Variants in AK8 observed in about 807,000 individuals in gnomAD.
AK8 encodes the protein adenylate kinase 8.
A neutral mutation model predicts 54.6 loss-of-function variants in AK8; 44 were observed. That is an observed-to-expected ratio of 0.81 (90% CI 0.63 to 1.04). AK8 has a LOEUF of 1.04. AK8 is among the 50% of genes least tolerant of loss of function. AK8 has a pLI of 0.00. For missense variants in AK8, 555 were observed against 613.6 expected (o/e 0.90, Z 1.01); for synonymous variants, 239 against 245.6 (o/e 0.97, Z 0.25).
chr9:132,867,008 C>T (rs1843628170), intron 2 of AK8, 55 bp from the exon 3 acceptor site: 3 of 1,530,200 alleles, frequency 2.0e-6, no homozygotes, highest in Non-Finnish European at 2.7e-6. Context: ...CAGCCTCCCA[C>T]ACCTGCGGTA....
chr9:132,852,425 C>G (rs112996112), intron 5 of AK8, among the ~76,000 whole-genome samples: 1 of 151,988 alleles, frequency 6.6e-6, no homozygotes, highest in Non-Finnish European at 1.5e-5. Flanking sequence ...CTGGCTAACA[C>G]AGTGAAACCT....
At chr9:132,742,359 GT>G (rs996156528) in intron 11 of AK8, among the ~76,000 whole-genome samples, 2 of 152,012 alleles carry the variant, frequency 1.3e-5, no homozygotes, top group African/African-American at 4.8e-5. Flanking sequence ...AACATTTTTT[GT>G]AGAGACAGGG....
At chr9:132,800,239 G>A (rs905911668) in intron 10 of AK8, among the ~76,000 whole-genome samples, 10 of 152,194 alleles carry the variant, frequency 6.6e-5, no homozygotes, top group Non-Finnish European at 1.3e-4. Context: ...GAAATCCTGC[G>A]TGCCCTGAAG....
At chr9:132,764,216 G>A (rs1251314330) in intron 11 of AK8, among the ~76,000 whole-genome samples, 4 of 152,242 alleles carry the variant, frequency 2.6e-5, no homozygotes, top group Admixed American at 6.5e-5. Context: ...AGGCTGTGGT[G>A]GGACAATCAC....
At chr9:132,783,289 A>G (rs1198246671) in intron 11 of AK8, among the ~76,000 whole-genome samples, 1 of 152,206 alleles carries the variant, frequency 6.6e-6, no homozygotes, top group Non-Finnish European at 1.5e-5. Context: ...AGAAGGTGGA[A>G]GAGGCAAGGA....
rs1840562184 is a variant in AK8, at chr9:132,803,477, C to T, written c.980-10702G>A. ...AGATGATGACGATGGCAACTCCATT[C>T]TTGATAATAATCATGGTGAGTAATC... On this transcript the variant is annotated intron_variant, in intron 10 of 12. Coordinates refer to ENST00000298545, the MANE Select transcript of AK8 (RefSeq NM_152572.3). This position sits in a 1 kb window ranked among gnomAD's most constrained non-coding sequence, Gnocchi z 4.4. 6.6e-6 allele frequency among the ~76,000 whole-genome samples: 1 copy of T among 152,170 alleles called. No individual in the cohort carries two copies. Among genetic ancestry groups the T allele is most frequent in the African/African-American group, 2.4e-5 (1 of 41,434 alleles).
intron 11 of AK8, among the ~76,000 whole-genome samples, chr9:132,746,656 C>T (rs1413674079): frequency 6.6e-6 from 1 of 152,210 alleles, no homozygotes; most frequent in Non-Finnish European, 1.5e-5. Context: ...GGTTGGCTTC[C>T]ACCCCTTAAT....
intron 7 of AK8, chr9:132,827,519 C>T: frequency 4.6e-6 from 1 of 215,888 alleles, no homozygotes; most frequent in Non-Finnish European, 9.3e-6. Context: ...AGATCAAGGG[C>T]AGTCCCGTCT....
chr9:132,803,397 T>C lies in AK8; in HGVS notation c.980-10622A>G, dbSNP rs557399178. Among the ~76,000 whole-genome samples the C allele has an allele frequency of 3.9e-4, 31 of 78,550 alleles. No individual in the cohort carries two copies. In the Middle Eastern group the frequency reaches 0.017, roughly 42 times the overall value. The allele number at this position is 78,550 out of a possible 152,430, so 51.5% of individuals were successfully genotyped here. On this transcript the variant is annotated intron_variant, in intron 10 of 12. Transcript: ENST00000298545. The surrounding 1 kb of genome is among the most constrained non-coding windows in gnomAD (Gnocchi z 4.4). ...AAATAAATATAAAAAATCCCCCATATATAAAATATATTCACACCCGACAGG... is the reference window on the plus strand; with the variant it reads ...AAATAAATATAAAAAATCCCCCATACATAAAATATATTCACACCCGACAGG...
chr9:132,753,057 A>C (rs528653043), intron 11 of AK8, among the ~76,000 whole-genome samples: 6 of 152,342 alleles, frequency 3.9e-5, no homozygotes, highest in Non-Finnish European at 8.8e-5. Flanking sequence ...TTGAAGTGTA[A>C]GTCCTTCCCT....
chr9:132,864,539 C>G (rs1843514138), intron 3 of AK8, among the ~76,000 whole-genome samples: 1 of 152,208 alleles, frequency 6.6e-6, no homozygotes, highest in African/African-American at 2.4e-5. Context: ...GAGGATTTGG[C>G]TTTGAAGCTG....
chr9:132,772,866 C>T (rs1839043819), intron 11 of AK8, among the ~76,000 whole-genome samples: 2 of 152,210 alleles, frequency 1.3e-5, no homozygotes, highest in African/African-American at 4.8e-5. Context: ...TTCTCACCAC[C>T]TCCACAGCTA....
At chr9:132,823,148 G>A in intron 9 of AK8, 57 bp downstream of exon 9, 3 of 1,499,230 alleles carry the variant, frequency 2.0e-6, no homozygotes, top group African/African-American at 1.4e-5. Context: ...GGGGAGGAGG[G>A]GCAGGAGGCA....
chr9:132,736,452 T>C lies in AK8; in HGVS notation c.1122-8918A>G, dbSNP rs542821665. 6.1e-5 allele frequency among the ~76,000 whole-genome samples: 9 copies of C among 148,656 alleles called. No individual in the cohort carries two copies. In the South Asian group the frequency reaches 1.8e-3, roughly 30 times the overall value. Reference sequence around the variant, plus strand: ...ATCCGCCCACCTCGGCCTCCCAAAGTGTTGGGGTTACAGGCGTGAGCCACT... The same window carrying C: ...ATCCGCCCACCTCGGCCTCCCAAAGCGTTGGGGTTACAGGCGTGAGCCACT... On this transcript the variant is annotated intron_variant, in intron 11 of 12. Transcript: ENST00000298545.
chr9:132,743,108 C>G (rs183341130), intron 11 of AK8, among the ~76,000 whole-genome samples: 1 of 152,360 alleles, frequency 6.6e-6, no homozygotes, highest in Admixed American at 6.5e-5. Context: ...TGCTGTGAGG[C>G]CCAGGTTCAG....
chr9:132,731,268 AGG>A (rs2130939896), intron 11 of AK8, among the ~76,000 whole-genome samples: 1 of 152,326 alleles, frequency 6.6e-6, no homozygotes, highest in Admixed American at 6.5e-5. Context: ...GTATGGTGTC[AGG>A]AGGTGGCTAT....
intron 2 of AK8, among the ~76,000 whole-genome samples, chr9:132,867,868 G>A (rs751784610): frequency 7.2e-5 from 11 of 152,252 alleles, no homozygotes; most frequent in Admixed American, 2.0e-4. Flanking sequence ...AGAGGAAGAG[G>A]TGAGACAGAG....
At position 132,840,269 on chromosome 9, in the gene AK8, C is replaced by T. The variant is rs139372300; in HGVS notation, c.403-11543G>A. Among the ~76,000 whole-genome samples the T allele has an allele frequency of 4.7e-3, 709 of 152,276 alleles. 18 individuals carry two copies. Among genetic ancestry groups the T allele is most frequent in the Admixed American group, 0.043 (650 of 15,286 alleles). ...TGCAGTCACACTGAAGGTCCCTTCC[C>T]TCACAGCCCAGCTCCATCTCCAAAG... On this transcript the variant is annotated intron_variant, in intron 5 of 12. Transcript: ENST00000298545.
At chr9:132,816,905 G>T (rs1029682163) in intron 9 of AK8, among the ~76,000 whole-genome samples, 6 of 152,198 alleles carry the variant, frequency 3.9e-5, no homozygotes, top group African/African-American at 1.4e-4. Context: ...AACAGGGTAA[G>T]GGAGAGGAGG....
Sources: allele counts gnomAD v4.1 joint callset (sites outside exome capture counted in the v4.1 genomes callset), GRCh38; gene constraint gnomAD v4.1.1; non-coding constraint Gnocchi (gnomAD v3.1); transcripts MANE v1.5; gene names NCBI Gene and HGNC (gene_info 2026-07-23, HGNC 2026-07-21).